The following OTUD7A variants were observed in gnomAD, a reference collection of about 807,000 sequenced individuals.
The protein encoded by OTUD7A is OTU domain-containing protein 7A.
A neutral mutation model predicts 65.7 loss-of-function variants in OTUD7A; 12 were observed. That is an observed-to-expected ratio of 0.18 (90% CI 0.12 to 0.30). OTUD7A has a LOEUF of 0.30. Among genes scored for constraint, OTUD7A ranks in the 10% least tolerant of loss-of-function variants. The probability of loss-of-function intolerance (pLI) is 1.00; values close to 1 mark genes in which losing one functional copy is unlikely to be tolerated. For missense variants in OTUD7A, 1,148 were observed against 1,304.8 expected, an observed-to-expected ratio of 0.88 and a Z score of 1.85; for synonymous variants, 641 against 586.3, an observed-to-expected ratio of 1.09 and a Z score of -1.35.
At chr15:31,515,081 A>G (rs1468529341) in intron 8 of OTUD7A, among the ~76,000 whole-genome samples, 1 of 152,112 alleles carries the variant, frequency 6.6e-6, no homozygotes, top group Non-Finnish European at 1.5e-5. Flanking sequence ...AACATAATGA[A>G]CAGCACAGGG....
chr15:31,827,803 T>C (rs1567043536), intron 1 of OTUD7A, among the ~76,000 whole-genome samples: 2 of 151,472 alleles, frequency 1.3e-5, no homozygotes, highest in Admixed American at 1.3e-4. Flanking sequence ...GGGGTAAATC[T>C]ATAATCCCAG....
intron 5 of OTUD7A, among the ~76,000 whole-genome samples, chr15:31,549,537 C>T (rs987716545): frequency 6.6e-6 from 1 of 152,170 alleles, no homozygotes; most frequent in Admixed American, 6.5e-5. Flanking sequence ...CTTTACTATT[C>T]ACTGACTCTG....
At chr15:31,626,721 G>T (rs1417423655) in intron 3 of OTUD7A, among the ~76,000 whole-genome samples, 1 of 152,020 alleles carries the variant, frequency 6.6e-6, no homozygotes, top group Admixed American at 6.6e-5. Flanking sequence ...GACTACAGGT[G>T]TGTGCCACCA....
At chr15:31,552,984 A>G (rs1282456287) in intron 5 of OTUD7A, among the ~76,000 whole-genome samples, 1 of 152,192 alleles carries the variant, frequency 6.6e-6, no homozygotes, top group Non-Finnish European at 1.5e-5. Flanking sequence ...GATGACTCAC[A>G]GCAGCCGATG....
chr15:31,644,244 C>T (rs1891601003), intron 3 of OTUD7A, among the ~76,000 whole-genome samples: 1 of 152,186 alleles, frequency 6.6e-6, no homozygotes, highest in Non-Finnish European at 1.5e-5. Context: ...TTGCATTTCA[C>T]TGCTGAATGG....
intron 1 of OTUD7A, among the ~76,000 whole-genome samples, chr15:31,789,702 T>C (rs1595770001): frequency 8.5e-6 from 1 of 117,388 alleles, no homozygotes; most frequent in South Asian, 3.3e-4. Flanking sequence ...AATCCAATGC[T>C]GCCCTTTTTT....
At chr15:31,535,062 G>T (rs114928753) in intron 5 of OTUD7A, among the ~76,000 whole-genome samples, 184 of 152,336 alleles carry the variant, frequency 1.2e-3, no homozygotes, top group African/African-American at 4.1e-3. Flanking sequence ...TGTTGGGATT[G>T]TAAAAAGGCA....
At chr15:31,790,990 A>G (rs1367996831) in intron 1 of OTUD7A, among the ~76,000 whole-genome samples, 1 of 152,164 alleles carries the variant, frequency 6.6e-6, no homozygotes, top group East Asian at 1.9e-4. Context: ...CTTGAGTTTT[A>G]GTCCTGACCT....
rs183991380 is a variant in OTUD7A, at chr15:31,860,583, G to C, written c.-100+9924C>G. On this transcript the variant is annotated intron_variant, in intron 1 of 12. Coordinates refer to ENST00000307050, the MANE Select transcript of OTUD7A (RefSeq NM_001382637.1). ...AACTCATTTCTAATTATAAATACTT[G>C]TTCAAATGCTCAGTATTCTCCTCGA... Among the ~76,000 whole-genome samples, 77 of 132,586 alleles carry C rather than the reference G, an allele frequency of 5.8e-4. 1 individual carries two copies. The highest frequency in any genetic ancestry group is 6.0e-4 in the Non-Finnish European group (37 of 62,000). 87.0% of individuals were successfully genotyped at this position (132,586 alleles called of 152,430 possible).
In OTUD7A at chr15:31,678,343, C is replaced by A. The variant is rs111303753; in HGVS notation, c.-99-21266G>T. On this transcript the variant is annotated intron_variant, in intron 1 of 12. Transcript: ENST00000307050. ...CCAATTTTTTGAGGAGTAATTCAAGCTGGCTGTAGAAATGTACATAAGTAA... is the reference window on the plus strand; with the variant it reads ...CCAATTTTTTGAGGAGTAATTCAAGATGGCTGTAGAAATGTACATAAGTAA... 4.6e-3 allele frequency among the ~76,000 whole-genome samples: 693 copies of A among 152,306 alleles called. 3 individuals carry two copies. The highest frequency in any genetic ancestry group is 0.016 in the African/African-American group (667 of 41,560).
rs1251816174 is a variant in OTUD7A, at chr15:31,484,143, G to T, written c.1953C>A (p.Ser651Arg). 3 of 1,609,888 alleles carry T rather than the reference G, an allele frequency of 1.9e-6. No individual in the cohort carries two copies. The highest frequency in any genetic ancestry group is 2.5e-6 in the Non-Finnish European group (3 of 1,179,554). The change falls in exon 13 of 13, where the codon AGC becomes AGA. Residue 651 changes from serine (S) to arginine (R), a missense_variant. By Grantham distance (110) the Ser-to-Arg change is moderately radical (BLOSUM62 -1). This residue lies in a region of OTUD7A where 842 missense variants were observed against 769.5 expected (regional missense o/e 1.09). Coordinates refer to ENST00000307050, the MANE Select transcript of OTUD7A (RefSeq NM_001382637.1). The surrounding 1 kb of genome is among the most constrained non-coding windows in gnomAD (Gnocchi z 4.5). ...TCTCCTCGTGGAACTGGTGCCGGTG[G>T]CTGGTGAGCAGCAGGCCGGCGAAGA... ...KFIFAGLLLT[S>R]HRHQFHEEMI...
intron 1 of OTUD7A, among the ~76,000 whole-genome samples, chr15:31,792,560 C>T (rs2140938820): frequency 6.6e-6 from 1 of 152,264 alleles, no homozygotes; most frequent in African/African-American, 2.4e-5. Flanking sequence ...CTGTCTGGCC[C>T]CCACCTTTAT....
chr15:31,731,309 A>T (rs1200719395), intron 1 of OTUD7A, among the ~76,000 whole-genome samples: 2 of 152,230 alleles, frequency 1.3e-5, no homozygotes, highest in African/African-American at 4.8e-5. Context: ...GCCAAAACTC[A>T]GAAGCAACCA....
At chr15:31,711,142 T>C (rs1348860544) in intron 1 of OTUD7A, among the ~76,000 whole-genome samples, 4 of 151,120 alleles carry the variant, frequency 2.6e-5, no homozygotes. Flanking sequence ...TTGTGCTCAT[T>C]TAATATGTAT....
At chr15:31,710,872 G>C (rs565993063) in intron 1 of OTUD7A, among the ~76,000 whole-genome samples, 50 of 152,126 alleles carry the variant, frequency 3.3e-4, no homozygotes, top group Admixed American at 9.2e-4. Context: ...CACAAACTTG[G>C]GGTAGGGGAG....
chr15:31,667,140 A>G (rs1191688595), intron 1 of OTUD7A, among the ~76,000 whole-genome samples: 1 of 152,214 alleles, frequency 6.6e-6, no homozygotes, highest in African/African-American at 2.4e-5. Flanking sequence ...ATATCTGTTA[A>G]GTCCATTTGT....
At chr15:31,737,812 A>T (rs758798046) in intron 1 of OTUD7A, among the ~76,000 whole-genome samples, 1 of 152,242 alleles carries the variant, frequency 6.6e-6, no homozygotes, top group Non-Finnish European at 1.5e-5. Flanking sequence ...GGATTTGCTC[A>T]TCTGGAAGGA....
intron 8 of OTUD7A, among the ~76,000 whole-genome samples, chr15:31,516,682 T>G (rs1181724650): frequency 6.6e-6 from 1 of 152,240 alleles, no homozygotes; most frequent in Non-Finnish European, 1.5e-5. Context: ...CCTAGCAGAC[T>G]GGGCTTTCCA....
chr15:31,571,389 G>A (rs1889049503), intron 3 of OTUD7A, among the ~76,000 whole-genome samples: 1 of 152,200 alleles, frequency 6.6e-6, no homozygotes, highest in Admixed American at 6.5e-5. Flanking sequence ...TGAAACCTGA[G>A]GCTGGAAGAC....
Sources: gnomAD v4.1 joint callset for allele counts (sites outside exome capture counted in the v4.1 genomes callset) on GRCh38, gnomAD v4.1.1 for gene constraint, gnomAD v4.1.1 regional missense constraint, Gnocchi (gnomAD v3.1) non-coding constraint, MANE v1.5 for transcripts, NCBI Gene and HGNC (gene_info 2026-07-23, HGNC 2026-07-21) for gene names.